LIMS1: variants seen among roughly 807,000 people sequenced by gnomAD.
LIMS1 encodes the protein LIM and senescent cell antigen-like-containing domain protein 1.
A neutral mutation model predicts 44.1 loss-of-function variants in LIMS1; 18 were observed. The observed-to-expected ratio is 0.41, with a 90% CI of 0.28 to 0.61. The LOEUF is 0.61. LIMS1 is among the 20% of genes least tolerant of loss of function. The probability of loss-of-function intolerance (pLI) is 0.32; values close to 1 mark genes in which losing one functional copy is unlikely to be tolerated. For synonymous variants in LIMS1, 93 were observed against 149.1 expected (o/e 0.62, Z 2.74); for missense variants, 201 against 422.0 (o/e 0.48, Z 4.59).
rs184131871 is a variant in LIMS1 at position 108,611,505 on chromosome 2, C to T, written c.33-48100C>T. On this transcript the variant is annotated intron_variant, in intron 1 of 9. Transcript: ENST00000544547. ...TTGGTTCTATATAGTGGTCTCATTA[C>T]ATTTTGAGGTATTTCACTTCTATTT... 2.5e-3 allele frequency among the ~76,000 whole-genome samples: 377 copies of T among 152,184 alleles called. 2 individuals carry two copies. Among genetic ancestry groups the T allele is most frequent in the Admixed American group, 0.017 (264 of 15,296 alleles).
At chr2:108,609,832 GT>G (rs200887957) in intron 1 of LIMS1, among the ~76,000 whole-genome samples, 8,206 of 151,542 alleles carry the variant, frequency 0.054, 380 homozygotes, top group Non-Finnish European at 0.075. Context: ...CACGGTTGAA[GT>G]TTTTTTTTAA....
chr2:108,548,341 T>A (rs1320356582), intron 1 of LIMS1, among the ~76,000 whole-genome samples: 1 of 152,194 alleles, frequency 6.6e-6, no homozygotes, highest in Non-Finnish European at 1.5e-5. Flanking sequence ...AGAACTTTTT[T>A]GTCTTTTGGG....
At chr2:108,541,824 C>T (rs1684326966) in intron 1 of LIMS1, among the ~76,000 whole-genome samples, 1 of 152,202 alleles carries the variant, frequency 6.6e-6, no homozygotes, top group South Asian at 2.1e-4. Context: ...ATTCCTGGAG[C>T]ATTAATTTAG....
At chr2:108,581,045 A>G (rs1434901501) in intron 1 of LIMS1, among the ~76,000 whole-genome samples, 4 of 152,116 alleles carry the variant, frequency 2.6e-5, no homozygotes, top group African/African-American at 9.7e-5. Context: ...TTGCCATGGA[A>G]TTTGTAACGT....
At chr2:108,662,866 T>G (rs41280576) in intron 2 of LIMS1, 9,100 of 602,228 alleles carry the variant, frequency 0.015, 106 homozygotes, top group African/African-American at 0.034. Context: ...CCACAGCCTC[T>G]ATTTTTTCTT....
chr2:108,596,280 T>C (rs985215910), intron 1 of LIMS1, among the ~76,000 whole-genome samples: 9 of 152,240 alleles, frequency 5.9e-5, no homozygotes, highest in Non-Finnish European at 1.2e-4. Context: ...GAGCATGTGC[T>C]GTCTTTAATT....
chr2:108,571,689 G>A (rs187570083), intron 1 of LIMS1, among the ~76,000 whole-genome samples: 2 of 152,322 alleles, frequency 1.3e-5, no homozygotes, highest in East Asian at 3.9e-4. Flanking sequence ...GTAGGAATGA[G>A]TGTTTTAGAC....
intron 1 of LIMS1, among the ~76,000 whole-genome samples, chr2:108,546,267 G>C (rs1408803176): frequency 4.7e-5 from 4 of 85,298 alleles, no homozygotes; most frequent in African/African-American, 1.5e-4. Context: ...TCAGGCTACC[G>C]CCTTTTTTTT....
chr2:108,583,597 C>G (rs193072545), intron 1 of LIMS1, among the ~76,000 whole-genome samples: 1 of 151,744 alleles, frequency 6.6e-6, no homozygotes, highest in Admixed American at 6.6e-5. Context: ...GGAAAAGATA[C>G]GCAAGTGTAT....
chr2:108,576,225 G>T (rs1685665912), intron 1 of LIMS1, among the ~76,000 whole-genome samples: 1 of 152,198 alleles, frequency 6.6e-6, no homozygotes, highest in African/African-American at 2.4e-5. Context: ...AATAGAACTT[G>T]TCATACTGGG....
intron 1 of LIMS1, among the ~76,000 whole-genome samples, chr2:108,633,669 A>G (rs927951174): frequency 9.9e-5 from 15 of 152,178 alleles, no homozygotes; most frequent in Admixed American, 2.0e-4. Flanking sequence ...TAGTTGGTTA[A>G]AGGTTTGACT....
chr2:108,535,476 T>C (rs780036826), intron 1 of LIMS1, among the ~76,000 whole-genome samples: 3 of 152,244 alleles, frequency 2.0e-5, no homozygotes, highest in Non-Finnish European at 4.4e-5. Flanking sequence ...TGCACACAGT[T>C]ACGTTAAAAT....
At chr2:108,543,695 T>G (rs1402709641) in intron 1 of LIMS1, among the ~76,000 whole-genome samples, 1 of 152,174 alleles carries the variant, frequency 6.6e-6, no homozygotes, top group Non-Finnish European at 1.5e-5. Flanking sequence ...TTAAAAGAAG[T>G]TAATCACTTA....
intron 2 of LIMS1, among the ~76,000 whole-genome samples, chr2:108,663,735 A>G (rs1194532269): frequency 2.0e-5 from 3 of 151,456 alleles, no homozygotes; most frequent in Non-Finnish European, 4.4e-5. Flanking sequence ...GTAAAGACCC[A>G]TTTTTTTAAT....
chr2:108,577,273 A>G (rs1417304514), intron 1 of LIMS1, among the ~76,000 whole-genome samples: 2 of 152,236 alleles, frequency 1.3e-5, no homozygotes, highest in Non-Finnish European at 2.9e-5. Context: ...CGTGAACCAC[A>G]GCTAATACAG....
At chr2:108,683,762 T>C in intron 9 of LIMS1, 123 bp from the exon 10 acceptor site, 1 of 458,670 alleles carries the variant, frequency 2.2e-6, no homozygotes, top group Non-Finnish European at 3.9e-6. Context: ...TTTACTAACA[T>C]GAATATAATA....
rs1004574411 is a variant in LIMS1, at chr2:108,551,802, A to G, written c.32+17208A>G. Among the ~76,000 whole-genome samples, 4 of 146,242 alleles carry G rather than the reference A, an allele frequency of 2.7e-5. No homozygotes were observed. In the East Asian group the frequency reaches 6.0e-4, roughly 22 times the overall value. ...ATACAATATACAGATATATCTGTAT[A>G]TATGTATATGATATACAATATACAT... On this transcript the variant is annotated intron_variant, in intron 1 of 9. Transcript: ENST00000544547.
chr2:108,541,311 T>C (rs1684307915), intron 1 of LIMS1, among the ~76,000 whole-genome samples: 1 of 152,240 alleles, frequency 6.6e-6, no homozygotes, highest in Admixed American at 6.5e-5. Flanking sequence ...GCTGGGCACA[T>C]TGCTGTCCAT....
At chr2:108,603,233 G>A (rs1161704746) in intron 1 of LIMS1, among the ~76,000 whole-genome samples, 4 of 152,122 alleles carry the variant, frequency 2.6e-5, no homozygotes, top group Non-Finnish European at 5.9e-5. Flanking sequence ...TAAATGTCTG[G>A]TATAATTCAG....
Sources: allele counts gnomAD v4.1 joint callset (sites outside exome capture counted in the v4.1 genomes callset), GRCh38; gene constraint gnomAD v4.1.1; transcripts MANE v1.5; gene names NCBI Gene and HGNC (gene_info 2026-07-23, HGNC 2026-07-21).